MPPED1: variants seen among roughly 807,000 people sequenced by gnomAD.
MPPED1 encodes the protein metallophosphoesterase domain-containing protein 1.
In MPPED1, 16 loss-of-function variants were observed where a neutral mutation model predicts 36.2. The observed-to-expected ratio is 0.44, with a 90% CI of 0.30 to 0.67. The LOEUF (loss-of-function observed/expected upper bound fraction) is 0.67, where lower values mean the gene tolerates loss of function less well. MPPED1 is among the 30% of genes least tolerant of loss of function. MPPED1 has a pLI of 0.10. For synonymous variants in MPPED1, 199 were observed against 191.3 expected (o/e 1.04, Z -0.33); for missense variants, 307 against 453.4 (o/e 0.68, Z 2.93).
intron 3 of MPPED1, among the ~76,000 whole-genome samples, chr22:43,440,907 G>A (rs1318308314): frequency 2.6e-5 from 4 of 152,090 alleles, no homozygotes; most frequent in African/African-American, 7.2e-5. Context: ...CCTCTCCAGG[G>A]CCCTTTTCCA....
At chr22:43,415,556 A>T (rs535675828) in intron 1 of MPPED1, among the ~76,000 whole-genome samples, 7 of 152,306 alleles carry the variant, frequency 4.6e-5, no homozygotes, top group African/African-American at 1.7e-4. Context: ...TTGTGATTTG[A>T]GGTGTTCCGT....
intron 4 of MPPED1, among the ~76,000 whole-genome samples, chr22:43,487,938 G>A (rs1225785080): frequency 6.6e-6 from 1 of 152,152 alleles, no homozygotes. Flanking sequence ...CTGATTCCTG[G>A]TCACATTTTC....
intron 3 of MPPED1, among the ~76,000 whole-genome samples, chr22:43,438,186 G>A (rs1930030309): frequency 6.6e-6 from 1 of 152,176 alleles, no homozygotes; most frequent in South Asian, 2.1e-4. Context: ...TCATTAGAGA[G>A]AGCTATGGGG....
intron 5 of MPPED1, among the ~76,000 whole-genome samples, chr22:43,498,857 AC>A (rs201877017): frequency 0.041 from 6,115 of 149,054 alleles, 129 homozygotes; most frequent in South Asian, 0.051. Flanking sequence ...TGCCTCCTCC[AC>A]CCCTACTGTC....
intron 4 of MPPED1, among the ~76,000 whole-genome samples, chr22:43,489,628 C>T (rs985494907): frequency 6.6e-6 from 1 of 151,968 alleles, no homozygotes; most frequent in Admixed American, 6.5e-5. Flanking sequence ...AAGTGATTTT[C>T]CTGCCTCAGC....
intron 2 of MPPED1, among the ~76,000 whole-genome samples, chr22:43,425,841 G>A (rs1929449706): frequency 1.3e-5 from 2 of 152,254 alleles, no homozygotes; most frequent in South Asian, 2.1e-4. Context: ...GGGCATTGGG[G>A]GTGCTCAAGC....
intron 4 of MPPED1, among the ~76,000 whole-genome samples, chr22:43,489,962 G>A (rs1044010842): frequency 3.9e-5 from 6 of 152,154 alleles, no homozygotes; most frequent in African/African-American, 9.7e-5. Context: ...CCTCCCCTGC[G>A]TCAGGCAGTG....
intron 3 of MPPED1, among the ~76,000 whole-genome samples, chr22:43,451,149 G>A (rs896000896): frequency 6.6e-6 from 1 of 151,720 alleles, no homozygotes; most frequent in Non-Finnish European, 1.5e-5. Context: ...TGGGACTACA[G>A]GCGTGCGCCA....
At chr22:43,465,193 C>T (rs1931122654) in intron 3 of MPPED1, among the ~76,000 whole-genome samples, 1 of 152,238 alleles carries the variant, frequency 6.6e-6, no homozygotes, top group African/African-American at 2.4e-5. Flanking sequence ...CAGGCCAGGG[C>T]TCTCCCACAG....
intron 3 of MPPED1, among the ~76,000 whole-genome samples, chr22:43,443,104 G>A (rs2146843657): frequency 6.6e-6 from 1 of 152,308 alleles, no homozygotes; most frequent in East Asian, 1.9e-4. Context: ...AATGCACAGG[G>A]TAGGCTGGTG....
chr22:43,447,913 C>G (rs1255680551), intron 3 of MPPED1, among the ~76,000 whole-genome samples: 1 of 111,164 alleles, frequency 9.0e-6, no homozygotes, highest in Non-Finnish European at 1.9e-5. Flanking sequence ...AAGTCTCGCC[C>G]TGTTGCCCAG....
Position 43,505,797 on chromosome 22 carries a change from G to T in MPPED1, c.*181G>T. On this transcript the variant is annotated 3_prime_UTR_variant, in exon 7 of 7. Coordinates refer to ENST00000443721, the MANE Select transcript of MPPED1 (RefSeq NM_001044370.2). ...CTGTCACCTGGAGTTGGGACCCTGC[G>T]CATCCCCATCAGGGGTTCTGTGCTC... The T allele has an allele frequency of 1.7e-6, 1 of 584,974 alleles. No individual in the cohort carries two copies. Among genetic ancestry groups the T allele is most frequent in the South Asian group, 2.2e-5 (1 of 46,452 alleles). 36.2% of individuals were successfully genotyped at this position (584,974 alleles called of 1,614,324 possible).
At chr22:43,491,699 G>GATAAA (rs1569087203) in intron 4 of MPPED1, among the ~76,000 whole-genome samples, 4 of 150,452 alleles carry the variant, frequency 2.7e-5, no homozygotes, top group Non-Finnish European at 5.9e-5. Flanking sequence ...AGGTGGTGGT[G>GATAAA]GTGATGGAGG....
intron 4 of MPPED1, among the ~76,000 whole-genome samples, chr22:43,482,031 C>T (rs943225246): frequency 2.6e-5 from 4 of 152,118 alleles, no homozygotes; most frequent in Non-Finnish European, 2.9e-5. Context: ...CAGGTGCAGC[C>T]GGTGTTGGGC....
At chr22:43,412,418 C>T (rs1928934181) in intron 1 of MPPED1, among the ~76,000 whole-genome samples, 1 of 152,078 alleles carries the variant, frequency 6.6e-6, no homozygotes, top group Non-Finnish European at 1.5e-5. Flanking sequence ...CGAAACTTTT[C>T]CCTTGCTCGC....
At chr22:43,494,474 C>CTCCA (rs2146908743) in intron 4 of MPPED1, among the ~76,000 whole-genome samples, 1 of 152,270 alleles carries the variant, frequency 6.6e-6, no homozygotes. Context: ...CAGTTTCTAC[C>CTCCA]TCCATTGTCA....
chr22:43,434,868 C>T (rs1257024650), intron 2 of MPPED1, among the ~76,000 whole-genome samples, 166 bp from the exon 3 acceptor site: 4 of 152,200 alleles, frequency 2.6e-5, no homozygotes, highest in African/African-American at 7.2e-5. Context: ...AGTCAGGATT[C>T]GGGCCGGGGT....
intron 1 of MPPED1, 124 bp from the exon 2 acceptor site, chr22:43,424,784 T>C: frequency 7.7e-7 from 1 of 1,301,184 alleles, no homozygotes; most frequent in Admixed American, 2.9e-5. Context: ...GTTTTTGAGC[T>C]GTACGACTGT....
chr22:43,500,278 C>T (rs796508729), intron 5 of MPPED1, among the ~76,000 whole-genome samples: 289 of 19,680 alleles, frequency 0.015, 2 homozygotes, highest in Middle Eastern at 0.059. Context: ...ATGGAGGTGG[C>T]GGTGGTGATG....
Sources: gnomAD v4.1 joint callset for allele counts (sites outside exome capture counted in the v4.1 genomes callset) on GRCh38, gnomAD v4.1.1 for gene constraint, MANE v1.5 for transcripts, NCBI Gene and HGNC (gene_info 2026-07-23, HGNC 2026-07-21) for gene names.